Variants in PIK3AP1 observed in about 807,000 individuals in gnomAD.
PIK3AP1 encodes the protein phosphoinositide-3-kinase adaptor protein 1.
In PIK3AP1, 21 loss-of-function variants were observed where a neutral mutation model predicts 88.1. The observed-to-expected ratio is 0.24, with a 90% CI of 0.17 to 0.34. The LOEUF (loss-of-function observed/expected upper bound fraction) is 0.34. PIK3AP1 is among the 10% of genes least tolerant of loss of function. The probability of loss-of-function intolerance (pLI) is 1.00; values close to 1 mark genes in which losing one functional copy is unlikely to be tolerated. For missense variants in PIK3AP1, 828 were observed against 1,035.7 expected (o/e 0.80, Z 2.75); for synonymous variants, 398 against 400.0 (o/e 1.00, Z 0.06).
At position 96,656,932 on chromosome 10, in the gene PIK3AP1, A is replaced by T. The variant is rs1218881169; in HGVS notation, c.433T>A (p.Ser145Thr). Residue 145 changes from serine to threonine, a missense_variant and splice_region_variant, in exon 3 of 17, where the codon TCT becomes ACT. Physicochemically the swap from Ser to Thr is moderately conservative, Grantham distance 58. This residue lies in a region of PIK3AP1 where 610 missense variants were observed against 760.1 expected (regional missense o/e 0.80). Transcript: ENST00000339364. ...GTGTCAGTGACTGAGTCACAGCCAGAATCTACAAAATAGAGGACACCGCTG... is the reference window on the plus strand; with the variant it reads ...GTGTCAGTGACTGAGTCACAGCCAGTATCTACAAAATAGAGGACACCGCTG... ...AAVKKAISED[S>T]GCDSVTDTEP... is the part of the protein sequence containing the mutation. 6.2e-7 allele frequency: 1 copy of T among 1,614,040 alleles called. No homozygotes were observed. The highest frequency in any genetic ancestry group is 1.7e-5 in the Admixed American group (1 of 60,012).
chr10:96,627,460 T>C (rs1440394100), intron 9 of PIK3AP1, among the ~76,000 whole-genome samples: 1 of 152,198 alleles, frequency 6.6e-6, no homozygotes, highest in Non-Finnish European at 1.5e-5. Flanking sequence ...AAAGCAGCCA[T>C]ATATAATACT....
At chr10:96,719,192 T>C (rs1844540864) in intron 1 of PIK3AP1, among the ~76,000 whole-genome samples, 3 of 152,088 alleles carry the variant, frequency 2.0e-5, no homozygotes, top group African/African-American at 7.2e-5. Flanking sequence ...TACCTTCCCA[T>C]CCCCTTTAAT....
chr10:96,635,930 G>A (rs552199210), intron 8 of PIK3AP1, among the ~76,000 whole-genome samples: 16 of 151,104 alleles, frequency 1.1e-4, no homozygotes, highest in African/African-American at 3.9e-4. Context: ...AAACTAGGCC[G>A]GGCACGGTGG....
chr10:96,642,425 C>CAAAAAA (rs34912752), intron 8 of PIK3AP1, among the ~76,000 whole-genome samples: 1 of 98,966 alleles, frequency 1.0e-5, no homozygotes, highest in Non-Finnish European at 2.1e-5. Flanking sequence ...GATGTTGTCT[C>CAAAAAA]AAAAAAAAAA....
intron 2 of PIK3AP1, among the ~76,000 whole-genome samples, chr10:96,693,201 TCGTTCAACAATTTATTGAGGGCC>T (rs1423423697): frequency 6.6e-6 from 1 of 152,246 alleles, no homozygotes; most frequent in African/African-American, 2.4e-5. Flanking sequence ...TTCTATTCAG[TCGTTCAACAATTTATTGAGGGCC>T]TGCCATGTCA....
chr10:96,663,775 A>G (rs1346586703), intron 2 of PIK3AP1, among the ~76,000 whole-genome samples: 1 of 152,226 alleles, frequency 6.6e-6, no homozygotes, highest in Non-Finnish European at 1.5e-5. Context: ...GACCAATAAG[A>G]AGACAATTCA....
intron 2 of PIK3AP1, among the ~76,000 whole-genome samples, chr10:96,683,618 A>C (rs1356555268): frequency 1.3e-5 from 2 of 152,208 alleles, no homozygotes; most frequent in Non-Finnish European, 2.9e-5. Context: ...TGAGATAATA[A>C]AATCAAGTCA....
intron 2 of PIK3AP1, among the ~76,000 whole-genome samples, chr10:96,658,457 C>CCA (rs1398007224): frequency 2.6e-5 from 4 of 152,160 alleles, no homozygotes; most frequent in Admixed American, 1.3e-4. Flanking sequence ...GCTTCCACAA[C>CCA]CATAAAGGCC....
At chr10:96,605,478 G>A (rs1266376056) in intron 14 of PIK3AP1, among the ~76,000 whole-genome samples, 3 of 151,974 alleles carry the variant, frequency 2.0e-5, no homozygotes, top group Non-Finnish European at 4.4e-5. Context: ...CAGAGAAGAA[G>A]AAAAAATAAG....
At chr10:96,650,122 C>T (rs977792210) in intron 6 of PIK3AP1, among the ~76,000 whole-genome samples, 46 of 152,124 alleles carry the variant, frequency 3.0e-4, no homozygotes, top group South Asian at 4.1e-4. Context: ...TCTTCTAAGC[C>T]CCAAACTTAA....
chr10:96,627,514 G>C (rs1480163575), intron 9 of PIK3AP1, among the ~76,000 whole-genome samples: 1 of 152,132 alleles, frequency 6.6e-6, no homozygotes, highest in Non-Finnish European at 1.5e-5. Flanking sequence ...TTATTTATAA[G>C]ACAGGCAGAT....
intron 2 of PIK3AP1, among the ~76,000 whole-genome samples, chr10:96,688,808 AAAG>A (rs771127363): frequency 6.0e-4 from 90 of 150,162 alleles, no homozygotes; most frequent in African/African-American, 9.3e-4. Flanking sequence ...CAAAAAAAAG[AAAG>A]AAAGAAAGAA....
intron 8 of PIK3AP1, among the ~76,000 whole-genome samples, chr10:96,644,917 T>C (rs1843438423): frequency 6.6e-6 from 1 of 152,188 alleles, no homozygotes; most frequent in Admixed American, 6.5e-5. Context: ...ATTCCCATCA[T>C]TTGAGCCACC....
intron 14 of PIK3AP1, among the ~76,000 whole-genome samples, chr10:96,608,879 T>G (rs892598226): frequency 6.6e-6 from 1 of 152,260 alleles, no homozygotes; most frequent in African/African-American, 2.4e-5. Context: ...GGCTCTTTTA[T>G]TGCTTTCCTA....
In PIK3AP1 at chr10:96,626,823, G is replaced by A. The variant is rs767542946; in HGVS notation, c.1554C>T (p.Asp518=). 6.2e-6 allele frequency: 10 copies of A among 1,614,024 alleles called. No homozygotes were observed. The highest frequency in any genetic ancestry group is 2.2e-5 in the East Asian group (1 of 44,904). The change falls in exon 10 of 17, where the codon GAC becomes GAT. Residue 518 remains aspartate (D), a synonymous_variant. Coordinates refer to ENST00000339364, the MANE Select transcript of PIK3AP1 (RefSeq NM_152309.3). Reference sequence around the variant, plus strand: ...CCAGGTCCACAGAAAAGGCCTCATCGTCATCCACCGTGTGATAAACATCTT... The same window carrying A: ...CCAGGTCCACAGAAAAGGCCTCATCATCATCCACCGTGTGATAAACATCTT... The part of the protein sequence containing the change: ...QEEDVYHTVD[D]DEAFSVDLAS...
At chr10:96,637,009 G>A (rs79741099) in intron 8 of PIK3AP1, among the ~76,000 whole-genome samples, 2,771 of 152,298 alleles carry the variant, frequency 0.018, 80 homozygotes, top group African/African-American at 0.061. Flanking sequence ...AACCAAGTGA[G>A]TATATAACAC....
chr10:96,645,363 C>G, intron 8 of PIK3AP1, 110 bp downstream of exon 8: 1 of 1,093,178 alleles, frequency 9.1e-7, no homozygotes, highest in South Asian at 1.6e-5. Context: ...CTTCATCTCT[C>G]TGGGGTGAAG....
intron 2 of PIK3AP1, among the ~76,000 whole-genome samples, chr10:96,706,980 C>T (rs1462997119): frequency 6.6e-6 from 1 of 152,156 alleles, no homozygotes; most frequent in Non-Finnish European, 1.5e-5. Flanking sequence ...CTTACAATTC[C>T]ATTTGTCCCT....
At chr10:96,685,154 T>C (rs1844052039) in intron 2 of PIK3AP1, among the ~76,000 whole-genome samples, 1 of 152,260 alleles carries the variant, frequency 6.6e-6, no homozygotes, top group South Asian at 2.1e-4. Flanking sequence ...ATTCAGCTTA[T>C]GAGTTATTTA....
Sources: gnomAD v4.1 joint callset for allele counts (sites outside exome capture counted in the v4.1 genomes callset) on GRCh38, gnomAD v4.1.1 for gene constraint, gnomAD v4.1.1 regional missense constraint, MANE v1.5 for transcripts, NCBI Gene and HGNC (gene_info 2026-07-23, HGNC 2026-07-21) for gene names.